The following FGF12 variants were observed in gnomAD, a reference collection of about 807,000 sequenced individuals.
FGF12 encodes the protein fibroblast growth factor 12B.
Under a neutral mutation model 23.6 loss-of-function variants are expected in FGF12, and 14 were observed. The ratio of observed to expected loss-of-function variants is 0.59; its 90% confidence interval spans 0.39 to 0.93. The LOEUF is 0.93. Among genes scored for constraint, FGF12 ranks in the 40% least tolerant of loss-of-function variants. The probability of loss-of-function intolerance (pLI) is 0.00; values close to 1 mark genes in which losing one functional copy is unlikely to be tolerated. For synonymous variants in FGF12, 62 were observed against 77.3 expected, an observed-to-expected ratio of 0.80 and a Z score of 1.04; for missense variants, 175 against 217.8, an observed-to-expected ratio of 0.80 and a Z score of 1.24.
At chr3:192,444,532 C>T (rs1388083423) in intron 2 of FGF12, among the ~76,000 whole-genome samples, 1 of 151,964 alleles carries the variant, frequency 6.6e-6, no homozygotes, top group East Asian at 1.9e-4. Context: ...AAGACTGGAA[C>T]CAGTGGGGAA....
intron 4 of FGF12, among the ~76,000 whole-genome samples, chr3:192,322,861 AG>A (rs1307980997): frequency 6.6e-6 from 1 of 152,222 alleles, no homozygotes; most frequent in African/African-American, 2.4e-5. Flanking sequence ...AATAGATTAA[AG>A]ACTTAAATCT....
chr3:192,363,493 T>G (rs1718835263), intron 2 of FGF12, among the ~76,000 whole-genome samples: 1 of 152,146 alleles, frequency 6.6e-6, no homozygotes, highest in African/African-American at 2.4e-5. Context: ...GCCCAGAGTC[T>G]GCGTTTTAAT....
chr3:192,378,610 G>C (rs1719676819), intron 2 of FGF12, among the ~76,000 whole-genome samples: 1 of 152,060 alleles, frequency 6.6e-6, no homozygotes, highest in South Asian at 2.1e-4. Context: ...AATATTCTTT[G>C]GTATAAGTTT....
chr3:192,190,494 G>A lies in FGF12; in HGVS notation c.229-19838C>T, dbSNP rs1245423101. ...TTTTTTTTTTTTTTTTTTTTTTTTT[G>A]AGACTGAGTCTCGCTCTGTCGCCCA... On this transcript the variant is annotated intron_variant, in intron 4 of 5. Coordinates refer to ENST00000445105, the MANE Select transcript of FGF12 (RefSeq NM_004113.6). 3.1e-3 allele frequency among the ~76,000 whole-genome samples: 21 copies of A among 6,838 alleles called. 1 individual carries two copies. The highest frequency in any genetic ancestry group is 0.011 in the African/African-American group (20 of 1,762). 4.5% of individuals were successfully genotyped at this position (6,838 alleles called of 152,430 possible).
chr3:192,236,001 A>G (rs1719275408), intron 4 of FGF12, among the ~76,000 whole-genome samples: 1 of 152,166 alleles, frequency 6.6e-6, no homozygotes, highest in African/African-American at 2.4e-5. Context: ...ATTTCATGCT[A>G]TAAACTTTCC....
chr3:192,424,045 T>C (rs1025805419), intron 2 of FGF12, among the ~76,000 whole-genome samples: 1 of 151,502 alleles, frequency 6.6e-6, no homozygotes, highest in Non-Finnish European at 1.5e-5. Flanking sequence ...CCGCCCTCTT[T>C]AAATTTGTTT....
chr3:192,380,323 T>C (rs1719761881), intron 2 of FGF12, among the ~76,000 whole-genome samples: 1 of 152,198 alleles, frequency 6.6e-6, no homozygotes, highest in South Asian at 2.1e-4. Context: ...CTAGACTTAA[T>C]ATTGGTTGTG....
chr3:192,204,191 C>T (rs1393068645), intron 4 of FGF12, among the ~76,000 whole-genome samples: 1 of 152,030 alleles, frequency 6.6e-6, no homozygotes, highest in African/African-American at 2.4e-5. Flanking sequence ...TCTTTTAGCC[C>T]CACACACGGC....
chr3:192,173,678 A>C (rs1230102811), intron 4 of FGF12, among the ~76,000 whole-genome samples: 2 of 152,202 alleles, frequency 1.3e-5, no homozygotes, highest in Non-Finnish European at 2.9e-5. Flanking sequence ...AACAGTATTA[A>C]CCCTAGATGC....
At chr3:192,423,568 C>T (rs1452116729) in intron 2 of FGF12, among the ~76,000 whole-genome samples, 2 of 152,134 alleles carry the variant, frequency 1.3e-5, no homozygotes, top group African/African-American at 4.8e-5. Flanking sequence ...GGAATCACCA[C>T]ATACAATACT....
Position 192,158,378 on chromosome 3 carries a change from CTTTCT to C in FGF12, c.427+12075_427+12079del, listed in dbSNP as rs879741237. Among the ~76,000 whole-genome samples, 554 of 111,254 alleles carry C rather than the reference CTTTCT, an allele frequency of 5.0e-3. 8 individuals are homozygous for C. The highest frequency in any genetic ancestry group is 6.2e-3 in the Non-Finnish European group (329 of 52,748). The allele number at this position is 111,254 out of a possible 152,430, so 73.0% of individuals were successfully genotyped here. A position where few individuals can be genotyped will look rare whatever the true frequency, so the allele number is the denominator to read the frequency against. ...TCTTTCTTTCTTTCTTTCTTTCTTT[CTTTCT>C]TTTCTTTCTCTCTCTTTCTTTTTCT... On this transcript the variant is annotated intron_variant, in intron 5 of 5. Coordinates refer to ENST00000445105, the MANE Select transcript of FGF12 (RefSeq NM_004113.6).
chr3:192,727,091 G>A, intron 2 of FGF12, 90 bp downstream of exon 2: 6 of 1,482,060 alleles, frequency 4.0e-6, no homozygotes, highest in Admixed American at 2.0e-5. Context: ...TATGATGCTC[G>A]CTCCCCAAGC....
At chr3:192,700,939 T>C (rs1159633046) in intron 2 of FGF12, among the ~76,000 whole-genome samples, 1 of 152,208 alleles carries the variant, frequency 6.6e-6, no homozygotes, top group Non-Finnish European at 1.5e-5. Flanking sequence ...TATTTTGAAA[T>C]GGCCCTGTAA....
intron 2 of FGF12, among the ~76,000 whole-genome samples, chr3:192,532,543 T>C: frequency 6.6e-6 from 1 of 152,204 alleles, no homozygotes; most frequent in East Asian, 1.9e-4. Context: ...GATTTGATTC[T>C]CAACTTTGTC....
At chr3:192,724,336 G>A (rs1187912349) in intron 2 of FGF12, among the ~76,000 whole-genome samples, 1 of 152,114 alleles carries the variant, frequency 6.6e-6, no homozygotes, top group Non-Finnish European at 1.5e-5. Context: ...TCCAAACACT[G>A]CTGTACATAG....
intron 3 of FGF12, among the ~76,000 whole-genome samples, chr3:192,346,821 T>C (rs1717988100): frequency 6.6e-6 from 1 of 152,164 alleles, no homozygotes; most frequent in African/African-American, 2.4e-5. Context: ...CAGCCATTGA[T>C]TTGTCATTTC....
In FGF12 at chr3:192,437,548, C is replaced by T. The variant is rs536680725; in HGVS notation, c.14-77010G>A. On this transcript the variant is annotated intron_variant, in intron 2 of 5. Transcript: ENST00000445105. ...TCTACTAAAAATACAAACCATTAGCCGGGTGTGGTGGTGGGTGCCTGTAAT... is the reference window on the plus strand; with the variant it reads ...TCTACTAAAAATACAAACCATTAGCTGGGTGTGGTGGTGGGTGCCTGTAAT... 7.2e-5 allele frequency among the ~76,000 whole-genome samples: 11 copies of T among 152,096 alleles called. No individual in the cohort carries two copies. The East Asian group carries it at 9.7e-4, about 13-fold the overall frequency.
At chr3:192,267,350 C>T (rs1713144629) in intron 4 of FGF12, among the ~76,000 whole-genome samples, 1 of 152,094 alleles carries the variant, frequency 6.6e-6, no homozygotes, top group Non-Finnish European at 1.5e-5. Context: ...ATAGCTGCAG[C>T]CCCCGTCTAA....
At chr3:192,486,169 A>G (rs2108822632) in intron 2 of FGF12, among the ~76,000 whole-genome samples, 1 of 152,296 alleles carries the variant, frequency 6.6e-6, no homozygotes, top group African/African-American at 2.4e-5. Flanking sequence ...GCAGTGATCC[A>G]TCCATTCATA....
Sources: allele counts gnomAD v4.1 joint callset (sites outside exome capture counted in the v4.1 genomes callset), GRCh38; gene constraint gnomAD v4.1.1; transcripts MANE v1.5; gene names NCBI Gene and HGNC (gene_info 2026-07-23, HGNC 2026-07-21).